Variants in SPAG16 observed in about 807,000 individuals in gnomAD.
The protein encoded by SPAG16 is sperm-associated antigen 16 protein.
In SPAG16, 86 loss-of-function variants were observed where a neutral mutation model predicts 80.4. That is an observed-to-expected ratio of 1.07 (90% CI 0.90 to 1.28). SPAG16 has a LOEUF of 1.28. SPAG16 is among the 50% of genes most tolerant of loss of function. SPAG16 has a pLI of 0.00. For synonymous variants in SPAG16, 294 were observed against 265.9 expected, an observed-to-expected ratio of 1.11 and a Z score of -1.03; for missense variants, 870 against 765.3, an observed-to-expected ratio of 1.14 and a Z score of -1.61.
chr2:214,369,841 C>T (rs1408566117), intron 15 of SPAG16, among the ~76,000 whole-genome samples: 1 of 152,094 alleles, frequency 6.6e-6, no homozygotes, highest in Non-Finnish European at 1.5e-5. Context: ...AGATGATATT[C>T]TATCAATGAT....
chr2:213,694,042 C>CAAAAAAAAAAAAAAAAA (rs68152101), intron 10 of SPAG16, among the ~76,000 whole-genome samples: 1 of 121,360 alleles, frequency 8.2e-6, no homozygotes, highest in African/African-American at 3.2e-5. Flanking sequence ...TTATGCAAGA[C>CAAAAAAAAAAAAAAAAA]AAAAAAAAAA....
At chr2:213,859,094 G>A (rs1454366406) in intron 10 of SPAG16, among the ~76,000 whole-genome samples, 2 of 137,594 alleles carry the variant, frequency 1.5e-5, no homozygotes, top group Admixed American at 1.6e-4. Context: ...CAGGATAATT[G>A]CTTGAACTTG....
chr2:213,516,320 C>T (rs1011910089), intron 10 of SPAG16, among the ~76,000 whole-genome samples: 8 of 152,186 alleles, frequency 5.3e-5, no homozygotes, highest in South Asian at 4.1e-4. Flanking sequence ...CCAATCATTT[C>T]TTCCCTTCAA....
At chr2:214,335,671 C>T (rs991532300) in intron 15 of SPAG16, among the ~76,000 whole-genome samples, 2 of 151,318 alleles carry the variant, frequency 1.3e-5, no homozygotes, top group Non-Finnish European at 2.9e-5. Flanking sequence ...TCTACCATCC[C>T]GTTTATGGTG....
Position 213,690,690 on chromosome 2 carries a change from C to A in SPAG16, c.1071-171795C>A, listed in dbSNP as rs551344784. 3.9e-5 allele frequency among the ~76,000 whole-genome samples: 6 copies of A among 152,278 alleles called. No homozygotes were observed. The South Asian group carries it at 1.2e-3, about 32-fold the overall frequency. On this transcript the variant is annotated intron_variant, in intron 10 of 15. Transcript: ENST00000331683. ...AAAGCAGGCAGAAGAAGAGGATAGG[C>A]AGCTTGTTGAGTCTTTTTGCTCCTT...
At chr2:213,975,704 T>C (rs994521616) in intron 12 of SPAG16, among the ~76,000 whole-genome samples, 1 of 152,022 alleles carries the variant, frequency 6.6e-6, no homozygotes, top group African/African-American at 2.4e-5. Context: ...GGAAAAATTC[T>C]ACCAAAATAG....
chr2:214,239,914 AT>A (rs1330754938), intron 15 of SPAG16: 1 of 152,150 alleles, frequency 6.6e-6, no homozygotes, highest in Non-Finnish European at 1.5e-5. Context: ...TAAAATTCTC[AT>A]TGAAAAAAAA....
intron 3 of SPAG16, among the ~76,000 whole-genome samples, chr2:213,297,587 G>T (rs1301562119): frequency 1.4e-5 from 2 of 143,804 alleles, no homozygotes; most frequent in East Asian, 1.9e-4. Context: ...TTTGTATCAA[G>T]TGACACCTTC....
At chr2:214,215,464 T>C (rs1243208602) in intron 15 of SPAG16, among the ~76,000 whole-genome samples, 3 of 152,168 alleles carry the variant, frequency 2.0e-5, no homozygotes, top group South Asian at 2.1e-4. Flanking sequence ...CTTCAGAAGC[T>C]TGTAGACCTT....
chr2:214,083,364 GT>G (rs1221657245), intron 13 of SPAG16, among the ~76,000 whole-genome samples: 12 of 149,710 alleles, frequency 8.0e-5, no homozygotes, highest in South Asian at 2.1e-4. Flanking sequence ...TAAGGAGGCA[GT>G]TTTTTTTTTC....
intron 10 of SPAG16, among the ~76,000 whole-genome samples, chr2:213,647,417 G>C (rs184536399): frequency 1.3e-5 from 2 of 152,202 alleles, no homozygotes; most frequent in East Asian, 1.9e-4. Flanking sequence ...TTTCTTTTGA[G>C]CTTCATTAGG....
At chr2:214,317,764 C>A (rs1303448721) in intron 15 of SPAG16, among the ~76,000 whole-genome samples, 1 of 152,166 alleles carries the variant, frequency 6.6e-6, no homozygotes, top group Non-Finnish European at 1.5e-5. Flanking sequence ...GTGGCTAATG[C>A]CTGCCTGTGG....
At chr2:213,840,869 G>A (rs370535565) in intron 10 of SPAG16, among the ~76,000 whole-genome samples, 60 of 152,184 alleles carry the variant, frequency 3.9e-4, no homozygotes, top group Non-Finnish European at 6.2e-4. Flanking sequence ...ATGCAGTTTC[G>A]TGGAAGAATA....
In SPAG16 at chr2:213,732,338, C is replaced by T. The variant is rs111738210; in HGVS notation, c.1071-130147C>T. On this transcript the variant is annotated intron_variant, in intron 10 of 15. Coordinates refer to ENST00000331683, the MANE Select transcript of SPAG16 (RefSeq NM_024532.5). ...AACTCCCATTCACGATTGCCCCCCC[C>T]GCAAAAAAAATGCCCAGGAATACAG... is the stretch of plus-strand genomic sequence containing the variant. Among the ~76,000 whole-genome samples the T allele has an allele frequency of 7.9e-4, 18 of 22,720 alleles. No individual in the cohort carries two copies. The Non-Finnish European group carries it at 0.017, about 22-fold the overall frequency. The allele number at this position is 22,720 out of a possible 152,430, so 14.9% of individuals were successfully genotyped here. A position where few individuals can be genotyped will look rare whatever the true frequency, so the allele number is the denominator to read the frequency against.
At chr2:213,363,597 G>A (rs1045957004) in intron 7 of SPAG16, among the ~76,000 whole-genome samples, 2 of 152,060 alleles carry the variant, frequency 1.3e-5, no homozygotes, top group African/African-American at 4.8e-5. Flanking sequence ...TTAGTTATAA[G>A]ACATGTTTAA....
At chr2:213,848,862 C>G (rs1321189599) in intron 10 of SPAG16, among the ~76,000 whole-genome samples, 1 of 152,016 alleles carries the variant, frequency 6.6e-6, no homozygotes, top group Non-Finnish European at 1.5e-5. Context: ...TGCTTGTGGC[C>G]TATGACGCAA....
At chr2:213,745,538 T>C (rs1030729517) in intron 10 of SPAG16, among the ~76,000 whole-genome samples, 5 of 152,190 alleles carry the variant, frequency 3.3e-5, no homozygotes, top group African/African-American at 7.2e-5. Context: ...CCACTGCACC[T>C]GGCCCAACTA....
chr2:213,684,853 A>G (rs1277546107), intron 10 of SPAG16, among the ~76,000 whole-genome samples: 1 of 152,210 alleles, frequency 6.6e-6, no homozygotes, highest in Non-Finnish European at 1.5e-5. Flanking sequence ...ATCCTCACGG[A>G]TTTAACAATT....
intron 10 of SPAG16, among the ~76,000 whole-genome samples, chr2:213,720,311 T>C (rs2066457023): frequency 2.0e-5 from 3 of 151,926 alleles, no homozygotes; most frequent in African/African-American, 7.3e-5. Context: ...GTTCTGCACA[T>C]GTATCCCAGA....
Sources: allele counts gnomAD v4.1 joint callset (sites outside exome capture counted in the v4.1 genomes callset), GRCh38; gene constraint gnomAD v4.1.1; transcripts MANE v1.5; gene names NCBI Gene and HGNC (gene_info 2026-07-23, HGNC 2026-07-21).